Variants in LTBP2 observed in about 807,000 individuals in gnomAD.
The protein encoded by LTBP2 is latent-transforming growth factor beta-binding protein 2.
A neutral mutation model predicts 210.6 loss-of-function variants in LTBP2; 103 were observed. That is an observed-to-expected ratio of 0.49 (90% CI 0.42 to 0.58). The LOEUF (loss-of-function observed/expected upper bound fraction) is 0.58, where lower values mean the gene tolerates loss of function less well. LTBP2 is among the 20% of genes least tolerant of loss of function. The pLI, the probability that LTBP2 is intolerant of heterozygous loss-of-function variation, is 0.00. For synonymous variants in LTBP2, 1,007 were observed against 1,015.0 expected (o/e 0.99, Z 0.15); for missense variants, 2,313 against 2,494.5 (o/e 0.93, Z 1.55).
At chr14:74,511,564 CTTAAAAA>C (rs1265795896) in intron 18 of LTBP2, among the ~76,000 whole-genome samples, 200 bp from the exon 19 acceptor site, 2 of 152,196 alleles carry the variant, frequency 1.3e-5, no homozygotes, top group East Asian at 1.9e-4. Flanking sequence ...GATGGAAGAA[CTTAAAAA>C]TTAGAAAGGG....
Position 74,611,823 on chromosome 14 carries a change from C to G in LTBP2, c.122G>C (p.Gly41Ala), listed in dbSNP as rs1349458842. Residue 41 changes from glycine (G) to alanine (A), a missense_variant, in exon 1 of 36, where the codon GGG (glycine) becomes GCG (alanine). Coordinates refer to ENST00000261978, the MANE Select transcript of LTBP2 (RefSeq NM_000428.3). ...GTCTCCACCAGCCGGCTCGTATCTC[C>G]CTACGGGGTCCCTTTGGGCATGACC... is the stretch of plus-strand genomic sequence containing the variant. ...GAGHAQRDPV[G>A]RYEPAGGDAN... The G allele has an allele frequency of 3.7e-6, 6 of 1,611,562 alleles. No homozygotes were observed. The highest frequency in any genetic ancestry group is 4.2e-6 in the Non-Finnish European group (5 of 1,179,668).
intron 24 of LTBP2, 36 bp downstream of exon 24, chr14:74,508,568 T>C: frequency 1.3e-6 from 2 of 1,592,908 alleles, no homozygotes; most frequent in Non-Finnish European, 1.7e-6. Context: ...CTTCCCATGC[T>C]CCTGGCCAGT....
chr14:74,502,438 T>G, intron 34 of LTBP2: 2 of 669,992 alleles, frequency 3.0e-6, no homozygotes, highest in Non-Finnish European at 2.7e-6. Flanking sequence ...TCCTGTACCT[T>G]TTTGTGTCCC....
At chr14:74,532,734 A>G (rs1043109272) in intron 9 of LTBP2, among the ~76,000 whole-genome samples, 186 bp from the exon 10 acceptor site, 6 of 152,284 alleles carry the variant, frequency 3.9e-5, no homozygotes, top group African/African-American at 1.2e-4. Context: ...TAATGATAGT[A>G]ACAACCAGAT....
Position 74,507,165 on chromosome 14 carries a change from C to T in LTBP2, c.3907+14G>A. On this transcript the variant is annotated intron_variant, in intron 26 of 35. Coordinates refer to ENST00000261978, the MANE Select transcript of LTBP2 (RefSeq NM_000428.3). ...CTCAGCCCTCTCTCCTCTCTCTCCT[C>T]CCTCCCTACTCACCAATGCAGTCTC... 1 of 1,614,156 alleles carries T rather than the reference C, an allele frequency of 6.2e-7. No homozygotes were observed. The highest frequency in any genetic ancestry group is 8.5e-7 in the Non-Finnish European group (1 of 1,180,002).
chr14:74,608,435 G>A (rs1157656675), intron 1 of LTBP2, among the ~76,000 whole-genome samples: 5 of 151,884 alleles, frequency 3.3e-5, no homozygotes, highest in African/African-American at 7.3e-5. Flanking sequence ...GAGGCCAGGC[G>A]TGGTGGCTCA....
chr14:74,525,575 C>T (rs1595253369), intron 14 of LTBP2, among the ~76,000 whole-genome samples: 1 of 152,374 alleles, frequency 6.6e-6, no homozygotes, highest in East Asian at 1.9e-4. Flanking sequence ...AAGCATTTCA[C>T]AGCTTACAGA....
intron 16 of LTBP2, 119 bp downstream of exon 16, chr14:74,522,671 A>G: frequency 1.6e-6 from 2 of 1,271,916 alleles, no homozygotes; most frequent in Non-Finnish European, 2.1e-6. Context: ...TCCTAAACTC[A>G]TCAACCACCC....
chr14:74,537,561 T>C (rs1416759834), intron 8 of LTBP2, among the ~76,000 whole-genome samples: 1 of 152,266 alleles, frequency 6.6e-6, no homozygotes. Context: ...TGTCTCTGAA[T>C]GCTGCACCCT....
At chr14:74,501,335 G>T (rs1030616244) in intron 35 of LTBP2, 106 bp downstream of exon 35, 23 of 1,524,560 alleles carry the variant, frequency 1.5e-5, no homozygotes, top group Middle Eastern at 1.7e-4. Context: ...GCCTGATGCA[G>T]ACAGCCCCAC....
intron 3 of LTBP2, among the ~76,000 whole-genome samples, chr14:74,582,501 C>T (rs1435836124): frequency 6.6e-6 from 1 of 151,954 alleles, no homozygotes; most frequent in Non-Finnish European, 1.5e-5. Flanking sequence ...CAAAGAGATC[C>T]TGCCCATTGA....
chr14:74,539,738 G>A (rs2087468550), intron 8 of LTBP2, among the ~76,000 whole-genome samples: 1 of 152,080 alleles, frequency 6.6e-6, no homozygotes, highest in Non-Finnish European at 1.5e-5. Flanking sequence ...GGAGGAAGCA[G>A]AGGCCCCTGC....
chr14:74,598,290 T>C (rs1435240122), intron 2 of LTBP2, among the ~76,000 whole-genome samples: 1 of 152,132 alleles, frequency 6.6e-6, no homozygotes, highest in Non-Finnish European at 1.5e-5. Context: ...AGGACTGAGA[T>C]GGGGACTTGG....
intron 13 of LTBP2, 95 bp downstream of exon 13, chr14:74,527,252 C>T (rs924839762): frequency 4.0e-5 from 57 of 1,434,934 alleles, no homozygotes; most frequent in Admixed American, 5.7e-5. Context: ...TCTCCCTCTC[C>T]CTCCCTCATG....
chr14:74,590,969 CA>C (rs1566651938), intron 2 of LTBP2, among the ~76,000 whole-genome samples: 1 of 152,168 alleles, frequency 6.6e-6, no homozygotes, highest in Non-Finnish European at 1.5e-5. Flanking sequence ...AACCAAAAAC[CA>C]TTTGTACTCC....
intron 1 of LTBP2, among the ~76,000 whole-genome samples, chr14:74,608,812 G>T (rs975114145): frequency 6.6e-6 from 1 of 152,080 alleles, no homozygotes; most frequent in African/African-American, 2.4e-5. Context: ...CGTAGGGACG[G>T]TGTCCACTCT....
intron 2 of LTBP2, among the ~76,000 whole-genome samples, chr14:74,595,921 G>T (rs2088353829): frequency 6.6e-6 from 1 of 152,198 alleles, no homozygotes; most frequent in African/African-American, 2.4e-5. Flanking sequence ...AGCAGGATGG[G>T]CGTGGTTGCT....
At chr14:74,543,335 G>A (rs1208703761) in intron 8 of LTBP2, among the ~76,000 whole-genome samples, 3 of 128,068 alleles carry the variant, frequency 2.3e-5, no homozygotes, top group Admixed American at 9.9e-5. Context: ...CCGAGATTGC[G>A]CCACTGCACT....
chr14:74,549,906 G>A lies in LTBP2; in HGVS notation c.1746C>T (p.Ala582=), dbSNP rs989858569. ...GGGCACACAAAGTCACCCCCCAGAA[G>A]GCTCCCACACTGCCACAGCAGTCCT... ...TQEDCCGSVG[A]FWGVTLCAPC... is the part of the protein sequence containing the mutation. The change falls in exon 8 of 36, where the codon GCC becomes GCT. Residue 582 remains alanine (A), a synonymous_variant. Transcript: ENST00000261978. The A allele has an allele frequency of 1.2e-6, 2 of 1,614,186 alleles. No homozygotes were observed. The highest frequency in any genetic ancestry group is 2.7e-5 in the African/African-American group (2 of 75,062).
Sources: gnomAD v4.1 joint callset for allele counts (sites outside exome capture counted in the v4.1 genomes callset) on GRCh38, gnomAD v4.1.1 for gene constraint, MANE v1.5 for transcripts, NCBI Gene and HGNC (gene_info 2026-07-23, HGNC 2026-07-21) for gene names.